Variants in OSBPL10 observed in about 807,000 individuals in gnomAD.
OSBPL10 encodes oxysterol binding protein like 10, also known as oxysterol-binding protein-related protein 10.
OSBPL10 carries 49 observed loss-of-function variants against 81.7 expected under a neutral mutation model. That is an observed-to-expected ratio of 0.60 (90% CI 0.48 to 0.76). The LOEUF is 0.76. Among genes scored for constraint, OSBPL10 ranks in the 30% least tolerant of loss-of-function variants. The pLI, the probability that OSBPL10 is intolerant of heterozygous loss-of-function variation, is 0.00. For synonymous variants in OSBPL10, 419 were observed against 383.6 expected (o/e 1.09, Z -1.08); for missense variants, 923 against 987.8 (o/e 0.93, Z 0.88).
At chr3:32,037,494 T>A (rs1699531880) in intron 2 of OSBPL10, 1 of 188,408 alleles carries the variant, frequency 5.3e-6, no homozygotes, top group African/African-American at 2.4e-5. Context: ...CTAAAAAAAT[T>A]TTTTTTTTCA....
intron 11 of OSBPL10, chr3:31,663,853 G>C: frequency 2.8e-6 from 4 of 1,425,640 alleles, no homozygotes; most frequent in East Asian, 2.6e-5. Flanking sequence ...TGGAGGGGAA[G>C]TGTCAGTTGC....
In OSBPL10 at chr3:31,871,199, C is replaced by T. The variant is rs185063096; in HGVS notation, c.537+5234G>A. On this transcript the variant is annotated intron_variant, in intron 3 of 11. Coordinates refer to ENST00000396556, the MANE Select transcript of OSBPL10 (RefSeq NM_017784.5). ...TGCTACTGCTCACTCTTTGGGTCCACACTGCTTTTATGAGCTGTAACACTC... is the reference window on the plus strand; with the variant it reads ...TGCTACTGCTCACTCTTTGGGTCCATACTGCTTTTATGAGCTGTAACACTC... Among the ~76,000 whole-genome samples the T allele has an allele frequency of 4.5e-3, 678 of 152,292 alleles. 5 individuals carry two copies. Among genetic ancestry groups the T allele is most frequent in the Non-Finnish European group, 7.7e-3 (523 of 68,028 alleles).
intron 3 of OSBPL10, among the ~76,000 whole-genome samples, chr3:31,852,287 C>T (rs763339638): frequency 5.9e-5 from 9 of 152,058 alleles, no homozygotes; most frequent in South Asian, 2.1e-4. Context: ...GTCTGTCAAC[C>T]GGCAGTCGGG....
At chr3:31,863,157 A>T (rs1298906952) in intron 3 of OSBPL10, among the ~76,000 whole-genome samples, 1 of 152,246 alleles carries the variant, frequency 6.6e-6, no homozygotes, top group East Asian at 1.9e-4. Context: ...AAAAAAAGCC[A>T]GACACAAAGA....
intron 1 of OSBPL10, among the ~76,000 whole-genome samples, chr3:31,899,332 G>GA (rs1696162985): frequency 1.3e-5 from 2 of 151,036 alleles, no homozygotes; most frequent in East Asian, 3.9e-4. Flanking sequence ...AGAGTAAGAA[G>GA]AAAAAAATAG....
intron 4 of OSBPL10, among the ~76,000 whole-genome samples, chr3:31,825,018 A>C (rs1207620074): frequency 6.6e-6 from 1 of 152,152 alleles, no homozygotes; most frequent in African/African-American, 2.4e-5. Context: ...CAGTGAGGAC[A>C]AGAAGGGGCA....
intron 1 of OSBPL10, among the ~76,000 whole-genome samples, chr3:31,937,363 T>C (rs1462408939): frequency 1.3e-5 from 2 of 152,006 alleles, no homozygotes; most frequent in Non-Finnish European, 2.9e-5. Flanking sequence ...CTCTTGGTTA[T>C]ATGGATTTGC....
At chr3:32,019,787 CTT>C (rs758082389) in intron 2 of OSBPL10, among the ~76,000 whole-genome samples, 1 of 152,144 alleles carries the variant, frequency 6.6e-6, no homozygotes, top group African/African-American at 2.4e-5. Flanking sequence ...ATTGTGTTAT[CTT>C]TATTTGGCTC....
chr3:31,817,705 G>A (rs937816628), intron 4 of OSBPL10, among the ~76,000 whole-genome samples: 22 of 152,186 alleles, frequency 1.4e-4, no homozygotes, highest in African/African-American at 4.8e-4. Context: ...CAGGAGGCCT[G>A]GGTCTGGACT....
At chr3:31,726,508 G>C (rs3792544) in intron 6 of OSBPL10, among the ~76,000 whole-genome samples, 1 of 151,552 alleles carries the variant, frequency 6.6e-6, no homozygotes, top group Non-Finnish European at 1.5e-5. Flanking sequence ...GTAGAAACAG[G>C]TTTCACCATG....
At chr3:31,682,320 C>T (rs904132991) in intron 8 of OSBPL10, among the ~76,000 whole-genome samples, 1 of 152,208 alleles carries the variant, frequency 6.6e-6, no homozygotes, top group Non-Finnish European at 1.5e-5. Context: ...CTTCAGGGCT[C>T]CCTCACTGTA....
At chr3:31,916,653 C>G (rs1490666598) in intron 1 of OSBPL10, among the ~76,000 whole-genome samples, 1 of 152,166 alleles carries the variant, frequency 6.6e-6, no homozygotes, top group Non-Finnish European at 1.5e-5. Context: ...TTGTTCCACT[C>G]AGTACTCTTA....
intron 1 of OSBPL10, among the ~76,000 whole-genome samples, chr3:31,979,309 A>G (rs542621905): frequency 6.6e-6 from 1 of 152,370 alleles, no homozygotes; most frequent in South Asian, 2.1e-4. Context: ...CCACTAACAT[A>G]GTAACACATC....
At chr3:31,905,345 A>ATTTGTTTTTTTTTTTTTTTTTTTTT in intron 1 of OSBPL10, among the ~76,000 whole-genome samples, 1 of 94,860 alleles carries the variant, frequency 1.1e-5, no homozygotes, top group Non-Finnish European at 1.9e-5. Context: ...GAACCTGGTG[A>ATTTGTTTTTTTTTTTTTTTTTTTTT]TTTTTTTTTT....
chr3:31,980,515 A>G (rs1698803776), intron 1 of OSBPL10, among the ~76,000 whole-genome samples: 1 of 152,312 alleles, frequency 6.6e-6, no homozygotes, highest in Non-Finnish European at 1.5e-5. Context: ...CCCCGGCACA[A>G]AGCACGCCCC....
chr3:31,909,784 C>T (rs1398990801), intron 1 of OSBPL10, among the ~76,000 whole-genome samples: 2 of 152,096 alleles, frequency 1.3e-5, no homozygotes, highest in Non-Finnish European at 2.9e-5. Context: ...CTTTAGGAAC[C>T]CACATGAATC....
chr3:31,965,293 C>T (rs1046299178), intron 1 of OSBPL10, among the ~76,000 whole-genome samples: 2 of 146,976 alleles, frequency 1.4e-5, no homozygotes, highest in Admixed American at 1.4e-4. Context: ...TGGCGTGAAC[C>T]CAGGAGGCAG....
rs752809778 is a variant in OSBPL10 at position 31,989,301 on chromosome 3, C to T, written n.298+57190G>A. ...CTTCCAAATGCATGATGAAGAAGTT[C>T]TCATCAACAGCGCAAGGCAATACAG... On this transcript the variant is annotated intron_variant and non_coding_transcript_variant, in intron 2 of 3. Coordinates refer to the OSBPL10 transcript ENST00000479173. 19 of 1,614,138 alleles carry T rather than the reference C, an allele frequency of 1.2e-5. 1 individual carries two copies. The South Asian group carries it at 2.1e-4, about 18-fold the overall frequency.
chr3:31,992,116 A>C (rs1699038842), intron 2 of OSBPL10, among the ~76,000 whole-genome samples: 1 of 151,318 alleles, frequency 6.6e-6, no homozygotes. Flanking sequence ...ACTGCACTCC[A>C]ACCTAGGCAA....
Sources: allele counts gnomAD v4.1 joint callset (sites outside exome capture counted in the v4.1 genomes callset), GRCh38; gene constraint gnomAD v4.1.1; transcripts MANE v1.5; gene names NCBI Gene and HGNC (gene_info 2026-07-23, HGNC 2026-07-21).